Variants in RAD54B observed in about 807,000 individuals in gnomAD.
RAD54B encodes RAD54 homolog B.
RAD54B carries 78 observed loss-of-function variants against 95.8 expected under a neutral mutation model. That is an observed-to-expected ratio of 0.81 (90% CI 0.68 to 0.98). The LOEUF (loss-of-function observed/expected upper bound fraction) is 0.98. RAD54B is among the 50% of genes least tolerant of loss of function. The pLI is 0.00. For missense variants in RAD54B, 957 were observed against 1,056.6 expected (o/e 0.91, Z 1.31); for synonymous variants, 328 against 354.9 (o/e 0.92, Z 0.85).
At position 94,400,226 on chromosome 8, in the gene RAD54B, T is replaced by C; in HGVS notation, c.1170+12A>G. 1 of 1,604,428 alleles carries C rather than the reference T, an allele frequency of 6.2e-7. No homozygotes were observed. The highest frequency in any genetic ancestry group is 8.5e-7 in the Non-Finnish European group (1 of 1,172,614). On this transcript the variant is annotated intron_variant, in intron 7 of 14. Coordinates refer to ENST00000336148, the MANE Select transcript of RAD54B (RefSeq NM_012415.3). ...TTTTAAATGACTAAGGCTAAACTTT[T>C]AAGTTTCTTACCTGATCAACAGTAA... is the stretch of plus-strand genomic sequence containing the variant.
intron 3 of RAD54B, among the ~76,000 whole-genome samples, chr8:94,449,605 T>C (rs1217122143): frequency 1.5e-5 from 2 of 135,026 alleles, no homozygotes; most frequent in African/African-American, 5.6e-5. Context: ...TGAGACTCTG[T>C]CTCCAAAAAA....
chr8:94,400,631 C>T (rs531645180), intron 6 of RAD54B, among the ~76,000 whole-genome samples, 168 bp from the exon 7 acceptor site: 2 of 152,250 alleles, frequency 1.3e-5, no homozygotes, highest in Non-Finnish European at 2.9e-5. Flanking sequence ...ATATCCATTA[C>T]ATATTGTCAA....
chr8:94,407,436 T>C lies in RAD54B; in HGVS notation c.781+3A>G, dbSNP rs1811417318. ...AAAATTCAAATTATTTTTAAAATCTTACTTGGCGTATATGGGTCATGGCGT... is the reference window on the plus strand; with the variant it reads ...AAAATTCAAATTATTTTTAAAATCTCACTTGGCGTATATGGGTCATGGCGT... On this transcript the variant is annotated splice_donor_region_variant and intron_variant, in intron 5 of 14. Transcript: ENST00000336148. The C allele has an allele frequency of 1.9e-6, 3 of 1,578,774 alleles. No individual in the cohort carries two copies. Among genetic ancestry groups the C allele is most frequent in the Non-Finnish European group, 2.6e-6 (3 of 1,158,446 alleles).
chr8:94,465,967 T>C (rs543768153), intron 2 of RAD54B, among the ~76,000 whole-genome samples: 1 of 152,310 alleles, frequency 6.6e-6, no homozygotes, highest in East Asian at 1.9e-4. Context: ...GTCAGATTTA[T>C]AGAGACAAAA....
chr8:94,378,080 A>C, intron 14 of RAD54B, 100 bp downstream of exon 14: 1 of 913,618 alleles, frequency 1.1e-6, no homozygotes, highest in Non-Finnish European at 1.6e-6. Flanking sequence ...TAACATATGC[A>C]AATGGTAAAT....
chr8:94,432,112 G>A (rs1176723366), intron 3 of RAD54B: 4 of 1,510,280 alleles, frequency 2.6e-6, no homozygotes, highest in South Asian at 2.6e-5. Flanking sequence ...TTATCAAATT[G>A]CAAGATTGAA....
chr8:94,430,441 A>C, intron 3 of RAD54B: 3 of 985,228 alleles, frequency 3.0e-6, no homozygotes, highest in Non-Finnish European at 3.6e-6. Flanking sequence ...TTAGGCACCA[A>C]GCGAGGTTCC....
chr8:94,440,323 AATT>A lies in RAD54B; in HGVS notation c.304+17942_304+17944del, dbSNP rs536193819. On this transcript the variant is annotated intron_variant, in intron 3 of 14. Coordinates refer to ENST00000336148, the MANE Select transcript of RAD54B (RefSeq NM_012415.3). Reference sequence around the variant, plus strand: ...TTACTGTTTGATTATATTACAATAAAATTATCTTTCTAGTTTAAAAATAGAATG... The same window carrying A: ...TTACTGTTTGATTATATTACAATAAAATCTTTCTAGTTTAAAAATAGAATG... 2.7e-4 allele frequency among the ~76,000 whole-genome samples: 41 copies of A among 152,368 alleles called. 1 individual carries two copies. The South Asian group carries it at 4.6e-3, about 17-fold the overall frequency.
chr8:94,374,559 CAG>C (rs1810521078), intron 14 of RAD54B, among the ~76,000 whole-genome samples: 1 of 151,806 alleles, frequency 6.6e-6, no homozygotes, highest in African/African-American at 2.4e-5. Flanking sequence ...CATAAGAACA[CAG>C]AGAAATTTAA....
chr8:94,389,259 G>A (rs75102588), intron 10 of RAD54B, among the ~76,000 whole-genome samples: 2,930 of 152,276 alleles, frequency 0.019, 83 homozygotes, highest in East Asian at 0.15. Context: ...TGGCCAAGAC[G>A]GGCGATCTTA....
intron 1 of RAD54B, among the ~76,000 whole-genome samples, chr8:94,471,554 G>T (rs1181711372): frequency 3.3e-5 from 5 of 151,982 alleles, no homozygotes; most frequent in African/African-American, 4.8e-5. Context: ...ACATCTAACT[G>T]CACACTGTAA....
chr8:94,377,098 C>G (rs900139666), intron 14 of RAD54B, among the ~76,000 whole-genome samples: 1 of 152,088 alleles, frequency 6.6e-6, no homozygotes, highest in African/African-American at 2.4e-5. Flanking sequence ...CTAGCACTTA[C>G]ATCAAGTACT....
chr8:94,415,822 C>T lies in RAD54B; in HGVS notation c.305-4507G>A, dbSNP rs1480646057. On this transcript the variant is annotated intron_variant, in intron 3 of 14. Transcript: ENST00000336148. The stretch of plus-strand genomic sequence containing the variant: ...GCAAATCAAAACCACAAGGAGATAC[C>T]ATCTCACACCAGTTAGAATGGCAAT... Among the ~76,000 whole-genome samples, 4 of 150,058 alleles carry T rather than the reference C, an allele frequency of 2.7e-5. No individual in the cohort carries two copies. In the East Asian group the frequency reaches 5.9e-4, roughly 22 times the overall value.
rs931419709 is a variant in RAD54B at position 94,391,604 on chromosome 8, C to T, written c.1809+5G>A. 1 of 1,612,040 alleles carries T rather than the reference C, an allele frequency of 6.2e-7. No homozygotes were observed. Among genetic ancestry groups the T allele is most frequent in the Non-Finnish European group, 8.5e-7 (1 of 1,179,192 alleles). The stretch of plus-strand genomic sequence containing the variant: ...CTGACACAGTTTCAGATACTATGCA[C>T]TTACCTTTATAGAGTTGAACAAAAG... On this transcript the variant is annotated splice_donor_5th_base_variant and intron_variant, in intron 10 of 14. Coordinates refer to ENST00000336148, the MANE Select transcript of RAD54B (RefSeq NM_012415.3).
chr8:94,422,620 ATATATATATATATAT>A (rs1811846032), intron 3 of RAD54B, among the ~76,000 whole-genome samples: 16 of 42,338 alleles, frequency 3.8e-4, no homozygotes, highest in Non-Finnish European at 4.4e-4. Context: ...AAAAAAAAAT[ATATATATATATATAT>A]ATATATATAT....
intron 3 of RAD54B, among the ~76,000 whole-genome samples, chr8:94,439,027 G>GGCTGCACTAAGCCATAATCATGCC (rs1218478209): frequency 6.6e-6 from 1 of 152,170 alleles, no homozygotes. Flanking sequence ...AAGAGGTTGA[G>GGCTGCACTAAGCCATAATCATGCC]GCTGCACTAA....
At position 94,407,566 on chromosome 8, in the gene RAD54B, C is replaced by A. The variant is rs113276250; in HGVS notation, c.654G>T (p.Ser218=). 4.3e-6 allele frequency: 7 copies of A among 1,613,944 alleles called. No homozygotes were observed. Among genetic ancestry groups the A allele is most frequent in the East Asian group, 2.2e-5 (1 of 44,870 alleles). The part of the protein sequence containing the change: ...FQLGGGSTAI[S]HSSQVARKCF... ...ATTTCCTGGCAACCTGAGAAGAATG[C>A]GAGATAGCAGTACTTCCTCCTCCAA... Residue 218 remains serine (S), a synonymous_variant, in exon 5 of 15, where the codon TCG becomes TCT. Coordinates refer to ENST00000336148, the MANE Select transcript of RAD54B (RefSeq NM_012415.3).
At chr8:94,415,948 G>C (rs1355068175) in intron 3 of RAD54B, among the ~76,000 whole-genome samples, 1 of 151,920 alleles carries the variant, frequency 6.6e-6, no homozygotes, top group Non-Finnish European at 1.5e-5. Context: ...CATTGTGGAA[G>C]TCAGTGTGGC....
intron 3 of RAD54B, among the ~76,000 whole-genome samples, chr8:94,438,381 G>A (rs1035293260): frequency 6.6e-6 from 1 of 152,126 alleles, no homozygotes; most frequent in African/African-American, 2.4e-5. Context: ...CCCTTTCATT[G>A]TCTTTGAGCA....
Sources: allele counts gnomAD v4.1 joint callset (sites outside exome capture counted in the v4.1 genomes callset), GRCh38; gene constraint gnomAD v4.1.1; transcripts MANE v1.5; gene names NCBI Gene and HGNC (gene_info 2026-07-23, HGNC 2026-07-21).